The following NECTIN1 variants were observed in gnomAD, a reference collection of about 807,000 sequenced individuals.
NECTIN1 encodes the protein nectin cell adhesion molecule 1, also known as nectin-1.
A neutral mutation model predicts 48.0 loss-of-function variants in NECTIN1; 23 were observed. The observed-to-expected ratio is 0.48, with a 90% CI of 0.34 to 0.68. The LOEUF is 0.68. NECTIN1 is among the 30% of genes least tolerant of loss of function. The pLI is 0.01. For synonymous variants in NECTIN1, 270 were observed against 288.9 expected, an observed-to-expected ratio of 0.93 and a Z score of 0.66; for missense variants, 591 against 709.9, an observed-to-expected ratio of 0.83 and a Z score of 1.90.
chr11:119,655,562 C>T (rs985601557), intron 5 of NECTIN1, among the ~76,000 whole-genome samples: 6 of 152,164 alleles, frequency 3.9e-5, no homozygotes, highest in Non-Finnish European at 7.3e-5. Flanking sequence ...AGCCCAGGCT[C>T]CTAACAGCTG....
At chr11:119,686,407 C>T (rs1425569842) in intron 1 of NECTIN1, among the ~76,000 whole-genome samples, 1 of 152,212 alleles carries the variant, frequency 6.6e-6, no homozygotes, top group African/African-American at 2.4e-5. Flanking sequence ...CATCCCTTCC[C>T]TAGTCCACTG....
chr11:119,726,678 G>A (rs1231532370), intron 1 of NECTIN1, among the ~76,000 whole-genome samples: 4 of 152,164 alleles, frequency 2.6e-5, no homozygotes, highest in Admixed American at 6.5e-5. Flanking sequence ...TGGGGAAAGA[G>A]AATAACAAAA....
intron 5 of NECTIN1, among the ~76,000 whole-genome samples, chr11:119,646,090 A>G (rs1346782735): frequency 6.6e-6 from 1 of 152,048 alleles, no homozygotes; most frequent in East Asian, 1.9e-4. Context: ...TCTAGCCTGG[A>G]CTGGCTTGCA....
chr11:119,680,287 C>T (rs1038703593), intron 1 of NECTIN1, among the ~76,000 whole-genome samples: 1 of 152,216 alleles, frequency 6.6e-6, no homozygotes, highest in East Asian at 1.9e-4. Context: ...TCCTGCAACT[C>T]CCCACAAGCC....
chr11:119,728,440 A>G (rs780863997), intron 1 of NECTIN1, 35 bp downstream of exon 1: 6 of 1,558,034 alleles, frequency 3.9e-6, no homozygotes, highest in Non-Finnish European at 5.2e-6. Context: ...GAGGCATTGG[A>G]TGGGGGTGGG....
At position 119,677,066 on chromosome 11, in the gene NECTIN1, T is replaced by A; in HGVS notation, c.851+36A>T. The stretch of plus-strand genomic sequence containing the variant: ...TCATCACCCGTGGTCCAGTCAGCTG[T>A]CTTCCAAGGTGACTGGTCAGCCCTG... On this transcript the variant is annotated intron_variant, in intron 4 of 5. Transcript: ENST00000264025. This position sits in a 1 kb window ranked among gnomAD's most constrained non-coding sequence, Gnocchi z 5.4. 5 of 1,570,198 alleles carry A rather than the reference T, an allele frequency of 3.2e-6. No homozygotes were observed. Among genetic ancestry groups the A allele is most frequent in the Non-Finnish European group, 4.4e-6 (5 of 1,140,110 alleles).
intron 1 of NECTIN1, among the ~76,000 whole-genome samples, chr11:119,681,195 C>T (rs1305001825): frequency 6.6e-6 from 1 of 152,226 alleles, no homozygotes; most frequent in Non-Finnish European, 1.5e-5. Flanking sequence ...TAATTGGGTG[C>T]TCCCCACCCC....
Position 119,662,423 on chromosome 11 carries a change from GC to G in NECTIN1, c.*2323del, listed in dbSNP as rs1188962151. On this transcript the variant is annotated 3_prime_UTR_variant, in exon 6 of 6. Transcript: ENST00000264025. The surrounding 1 kb of genome is among the most constrained non-coding windows in gnomAD (Gnocchi z 5.3). ...TGGCAAGTCAGGAGCCTCCTACGTG[GC>G]CCATGCTACATGGACCCCAAAATTT... 3 of 985,778 alleles carry G rather than the reference GC, an allele frequency of 3.0e-6. No individual in the cohort carries two copies. The highest frequency in any genetic ancestry group is 3.6e-6 in the Non-Finnish European group (3 of 829,958). 61.1% of individuals were successfully genotyped at this position (985,778 alleles called of 1,614,324 possible). A position where few individuals can be genotyped will look rare whatever the true frequency, so the allele number is the denominator to read the frequency against.
chr11:119,677,318 G>A lies in NECTIN1; in HGVS notation c.734-99C>T. On this transcript the variant is annotated intron_variant, in intron 3 of 5. Coordinates refer to ENST00000264025, the MANE Select transcript of NECTIN1 (RefSeq NM_002855.5). This position sits in a 1 kb window ranked among gnomAD's most constrained non-coding sequence, Gnocchi z 5.4. ...AAGGGATGGAAGGAGCAGTGGCATG[G>A]AAACAGCCAGGAGAGAGGGAAGTGT... 1 of 1,160,510 alleles carries A rather than the reference G, an allele frequency of 8.6e-7. No homozygotes were observed. The highest frequency in any genetic ancestry group is 1.3e-6 in the Non-Finnish European group (1 of 774,428). 71.9% of individuals were successfully genotyped at this position (1,160,510 alleles called of 1,614,324 possible). A position where few individuals can be genotyped will look rare whatever the true frequency, so the allele number is the denominator to read the frequency against.
At chr11:119,649,225 A>G (rs1157988840) in intron 5 of NECTIN1, among the ~76,000 whole-genome samples, 1 of 152,112 alleles carries the variant, frequency 6.6e-6, no homozygotes, top group Admixed American at 6.6e-5. Context: ...CTAAACACAC[A>G]AAAAAATTAG....
intron 1 of NECTIN1, among the ~76,000 whole-genome samples, chr11:119,724,146 T>C (rs1865872082): frequency 6.6e-6 from 1 of 152,042 alleles, no homozygotes; most frequent in Non-Finnish European, 1.5e-5. Flanking sequence ...TTGCCCAGAG[T>C]ATGCTACCTC....
rs192948934 is a variant in NECTIN1, at chr11:119,653,677, G to A, written c.1004-13665C>T. On this transcript the variant is annotated intron_variant, in intron 5 of 7. Transcript: ENST00000341398. ...ATGACGAGTTCTGTTTCCCTGCTTA[G>A]GGCAGATACCCAGTGGTGAAAATAA... Among the ~76,000 whole-genome samples the A allele has an allele frequency of 9.8e-5, 15 of 152,326 alleles. No individual in the cohort carries two copies. In the East Asian group the frequency reaches 2.9e-3, roughly 29 times the overall value.
chr11:119,690,301 G>A (rs1865230678), intron 1 of NECTIN1, among the ~76,000 whole-genome samples: 1 of 152,116 alleles, frequency 6.6e-6, no homozygotes, highest in South Asian at 2.1e-4. Flanking sequence ...GCTCAGGGCT[G>A]TCTCCATCCA....
At chr11:119,654,658 G>A (rs11217376) in intron 5 of NECTIN1, among the ~76,000 whole-genome samples, 3,187 of 151,248 alleles carry the variant, frequency 0.021, 106 homozygotes, top group African/African-American at 0.072. Context: ...TGCAACCTCC[G>A]CCTCCCCAGT....
At chr11:119,669,294 C>T (rs901737913) in intron 5 of NECTIN1, among the ~76,000 whole-genome samples, 2 of 151,904 alleles carry the variant, frequency 1.3e-5, no homozygotes, top group African/African-American at 4.8e-5. Flanking sequence ...TGCCTGTAAT[C>T]CCAGCTACTT....
intron 6 of NECTIN1, chr11:119,639,746 G>A (rs1169586632): frequency 1.2e-5 from 16 of 1,338,216 alleles, no homozygotes; most frequent in Admixed American, 1.9e-5. Flanking sequence ...CCCCCAGGGT[G>A]GGGAGGCCCT....
chr11:119,725,112 G>C (rs975636718), intron 1 of NECTIN1, among the ~76,000 whole-genome samples: 10 of 152,170 alleles, frequency 6.6e-5, no homozygotes, highest in African/African-American at 2.4e-4. Flanking sequence ...ACATTAGTCA[G>C]CTGCTAAACA....
chr11:119,648,376 A>G (rs867992451), intron 5 of NECTIN1, among the ~76,000 whole-genome samples: 64 of 4,730 alleles, frequency 0.014, 3 homozygotes, highest in African/African-American at 0.028. Flanking sequence ...GATGGTGGTG[A>G]TGGTGGTGGT....
At chr11:119,716,112 C>T (rs1429670888) in intron 1 of NECTIN1, among the ~76,000 whole-genome samples, 2 of 152,172 alleles carry the variant, frequency 1.3e-5, no homozygotes, top group East Asian at 3.9e-4. Context: ...GAAGGGAGCA[C>T]AGGAGGCACC....
Sources: allele counts gnomAD v4.1 joint callset (sites outside exome capture counted in the v4.1 genomes callset), GRCh38; gene constraint gnomAD v4.1.1; non-coding constraint Gnocchi (gnomAD v3.1); transcripts MANE v1.5; gene names NCBI Gene and HGNC (gene_info 2026-07-23, HGNC 2026-07-21).